The following JARID2 variants were observed in gnomAD, a reference collection of about 807,000 sequenced individuals.
The protein encoded by JARID2 is jumonji and AT-rich interaction domain containing 2.
In JARID2, 21 loss-of-function variants were observed where a neutral mutation model predicts 125.6. The ratio of observed to expected loss-of-function variants is 0.17; its 90% confidence interval spans 0.12 to 0.24. The LOEUF (loss-of-function observed/expected upper bound fraction) is 0.24, where lower values mean the gene tolerates loss of function less well. Among genes scored for constraint, JARID2 ranks in the 10% least tolerant of loss-of-function variants. The pLI, the probability that JARID2 is intolerant of heterozygous loss-of-function variation, is 1.00. For missense variants in JARID2, 1,303 were observed against 1,639.6 expected (o/e 0.79, Z 3.55); for synonymous variants, 736 against 661.6 (o/e 1.11, Z -1.73).
chr6:15,247,375 G>T, intron 1 of JARID2: 1 of 937,620 alleles, frequency 1.1e-6, no homozygotes, highest in Non-Finnish European at 1.3e-6. Flanking sequence ...GCATAGTACA[G>T]CTACGTTTTG....
intron 7 of JARID2, among the ~76,000 whole-genome samples, chr6:15,500,587 G>A (rs971967501): frequency 3.9e-5 from 6 of 152,184 alleles, no homozygotes; most frequent in African/African-American, 1.2e-4. Context: ...ACACTGGGAT[G>A]TTCCTCCCTG....
chr6:15,282,560 TTCTC>T (rs1182660055), intron 1 of JARID2, among the ~76,000 whole-genome samples: 1 of 151,328 alleles, frequency 6.6e-6, no homozygotes, highest in Non-Finnish European at 1.5e-5. Flanking sequence ...GTCTTTGTCT[TTCTC>T]TCTTTCTCTT....
Position 15,496,221 on chromosome 6 carries a change from A to G in JARID2, c.996A>G (p.Pro332=), listed in dbSNP as rs765874941. 3.1e-6 allele frequency: 5 copies of G among 1,614,170 alleles called. No individual in the cohort carries two copies. The highest frequency in any genetic ancestry group is 1.6e-4 in the Middle Eastern group (1 of 6,062). ...AKKMREVRPS[P]SKTVKYTATV... is the part of the protein sequence containing the mutation. ...AGATGCGCGAGGTCAGACCTTCACC[A>G]TCCAAAACTGTGAAGTACACTGCCA... Residue 332 remains proline (P), a synonymous_variant, in exon 7 of 18, where the codon CCA becomes CCG. Coordinates refer to ENST00000341776, the MANE Select transcript of JARID2 (RefSeq NM_004973.4).
chr6:15,276,078 C>T (rs1760490541), intron 1 of JARID2, among the ~76,000 whole-genome samples: 1 of 152,102 alleles, frequency 6.6e-6, no homozygotes, highest in Non-Finnish European at 1.5e-5. Flanking sequence ...GCATTTTTCT[C>T]TCCATAATGT....
intron 1 of JARID2, among the ~76,000 whole-genome samples, chr6:15,371,531 A>G (rs1354948147): frequency 1.3e-5 from 2 of 152,210 alleles, no homozygotes; most frequent in Non-Finnish European, 2.9e-5. Flanking sequence ...AGTTAACACT[A>G]TCATTCAGTT....
Position 15,501,325 on chromosome 6 carries a change from A to T in JARID2, c.2364A>T (p.Arg788=), listed in dbSNP as rs1401697096. The T allele has an allele frequency of 6.2e-7, 1 of 1,607,652 alleles. No homozygotes were observed. The highest frequency in any genetic ancestry group is 2.2e-5 in the East Asian group (1 of 44,756). The change falls in exon 8 of 18, where the codon CGA becomes CGT. Residue 788 remains arginine, a synonymous_variant. Transcript: ENST00000341776. ...GQAQLKTGRR[R]LFAQEKEVVK... ...CCCAGTTGAAGACTGGCCGGCGGCG[A>T]CTCTTCGCTCAGGAAAAAGAAGTGG...
At chr6:15,404,533 A>G (rs905931131) in intron 2 of JARID2, among the ~76,000 whole-genome samples, 33 of 51,954 alleles carry the variant, frequency 6.4e-4, no homozygotes, top group African/African-American at 1.6e-3. Context: ...ACACACACAC[A>G]CACACACACA....
At chr6:15,332,765 T>G (rs1295876754) in intron 1 of JARID2, among the ~76,000 whole-genome samples, 1 of 151,546 alleles carries the variant, frequency 6.6e-6, no homozygotes, top group African/African-American at 2.4e-5. Context: ...GTGTGTGTGT[T>G]TGTCCTAAGA....
At chr6:15,500,752 T>G (rs1211240858) in intron 7 of JARID2, among the ~76,000 whole-genome samples, 155 bp from the exon 8 acceptor site, 3 of 152,162 alleles carry the variant, frequency 2.0e-5, no homozygotes, top group Admixed American at 2.0e-4. Flanking sequence ...CCCTTCTCTC[T>G]GTGGACCGGG....
intron 3 of JARID2, among the ~76,000 whole-genome samples, chr6:15,419,186 A>G (rs1313979722): frequency 6.6e-6 from 1 of 152,216 alleles, no homozygotes; most frequent in Non-Finnish European, 1.5e-5. Flanking sequence ...TTATATTTAG[A>G]AGCTTCCACT....
intron 3 of JARID2, among the ~76,000 whole-genome samples, chr6:15,444,333 C>T (rs1767573320): frequency 6.6e-6 from 1 of 152,206 alleles, no homozygotes; most frequent in African/African-American, 2.4e-5. Context: ...GAATTGGTCT[C>T]TGCTAGCCTC....
At chr6:15,497,864 C>T (rs1339120978) in intron 7 of JARID2, among the ~76,000 whole-genome samples, 4 of 152,124 alleles carry the variant, frequency 2.6e-5, no homozygotes, top group Non-Finnish European at 5.9e-5. Flanking sequence ...GTTGGTTTCT[C>T]CCGAAACCAA....
intron 5 of JARID2, among the ~76,000 whole-genome samples, chr6:15,475,835 C>A (rs9476828): frequency 6.6e-6 from 1 of 152,182 alleles, no homozygotes; most frequent in East Asian, 1.9e-4. Flanking sequence ...AGATGATCTT[C>A]GTGTCCTTTT....
intron 5 of JARID2, among the ~76,000 whole-genome samples, 157 bp downstream of exon 5, chr6:15,468,875 G>C (rs1266717941): frequency 1.3e-5 from 2 of 152,204 alleles, no homozygotes; most frequent in African/African-American, 2.4e-5. Context: ...TATTAGTGTA[G>C]CTTAGTGTAG....
intron 4 of JARID2, among the ~76,000 whole-genome samples, chr6:15,457,337 C>T (rs1162188829): frequency 6.6e-6 from 1 of 152,190 alleles, no homozygotes; most frequent in Non-Finnish European, 1.5e-5. Flanking sequence ...ATGCGATTAA[C>T]CTTCTTACAC....
chr6:15,448,601 C>G (rs1487277793), intron 3 of JARID2, among the ~76,000 whole-genome samples: 3 of 152,132 alleles, frequency 2.0e-5, no homozygotes, highest in Non-Finnish European at 4.4e-5. Context: ...AAATACTTTT[C>G]AGTAGAATTA....
chr6:15,255,138 C>CTTTTTTT (rs753848936), intron 1 of JARID2, among the ~76,000 whole-genome samples: 3 of 121,194 alleles, frequency 2.5e-5, no homozygotes, highest in Non-Finnish European at 5.2e-5. Context: ...ACTAGGAATT[C>CTTTTTTT]TTTTTTTTTT....
At chr6:15,403,564 T>G (rs1459799243) in intron 2 of JARID2, among the ~76,000 whole-genome samples, 1 of 152,196 alleles carries the variant, frequency 6.6e-6, no homozygotes, top group Non-Finnish European at 1.5e-5. Context: ...CAAAGAGTCA[T>G]TTACTTGTTT....
chr6:15,432,136 T>C (rs1766992238), intron 3 of JARID2, among the ~76,000 whole-genome samples: 1 of 150,978 alleles, frequency 6.6e-6, no homozygotes, highest in Non-Finnish European at 1.5e-5. Flanking sequence ...GAAACGAAAG[T>C]ACACTCTACA....
Sources: allele counts gnomAD v4.1 joint callset (sites outside exome capture counted in the v4.1 genomes callset), GRCh38; gene constraint gnomAD v4.1.1; transcripts MANE v1.5; gene names NCBI Gene and HGNC (gene_info 2026-07-23, HGNC 2026-07-21).